NCOA1: variants seen among roughly 807,000 people sequenced by gnomAD.
NCOA1 encodes the protein Hin-2 protein.
A neutral mutation model predicts 150.9 loss-of-function variants in NCOA1; 35 were observed. That is an observed-to-expected ratio of 0.23 (90% CI 0.18 to 0.31). NCOA1 has a LOEUF of 0.31. Ranked by LOEUF, NCOA1 falls within the 10% of genes least tolerant of loss-of-function variation. The probability of loss-of-function intolerance (pLI) is 1.00; values close to 1 mark genes in which losing one functional copy is unlikely to be tolerated. For synonymous variants in NCOA1, 590 were observed against 630.0 expected, an observed-to-expected ratio of 0.94 and a Z score of 0.95; for missense variants, 1,491 against 1,749.3, an observed-to-expected ratio of 0.85 and a Z score of 2.63.
At position 24,752,115 on chromosome 2, in the gene NCOA1, A is replaced by G. The variant is rs560497859; in HGVS notation, c.3840A>G (p.Pro1280=). 23 of 1,614,182 alleles carry G rather than the reference A, an allele frequency of 1.4e-5. 1 individual carries two copies. In the South Asian group the frequency reaches 2.5e-4, roughly 18 times the overall value. The change falls in exon 20 of 23, where the codon CCA becomes CCG. Residue 1280 remains proline, a synonymous_variant. Transcript: ENST00000348332. ...QTPPASGYQS[P]DMKAWQQGAI... is the part of the protein sequence containing the mutation. Reference sequence around the variant, plus strand: ...CACCTGCCTCCGGGTATCAGTCACCAGACATGAAGGCCTGGCAGCAAGGAG... The same window carrying G: ...CACCTGCCTCCGGGTATCAGTCACCGGACATGAAGGCCTGGCAGCAAGGAG...
intron 19 of NCOA1, among the ~76,000 whole-genome samples, chr2:24,747,285 A>T (rs1052243820): frequency 6.6e-6 from 1 of 151,048 alleles, no homozygotes; most frequent in African/African-American, 2.4e-5. Flanking sequence ...AGAATATGAT[A>T]AGCATCTTTT....
At chr2:24,519,920 A>T (rs1166023751) in intron 1 of NCOA1, among the ~76,000 whole-genome samples, 3 of 152,240 alleles carry the variant, frequency 2.0e-5, no homozygotes, top group African/African-American at 7.2e-5. Context: ...GCTCAATATT[A>T]AGGAAACATA....
chr2:24,580,129 G>A (rs1172116908), intron 2 of NCOA1, among the ~76,000 whole-genome samples: 1 of 152,102 alleles, frequency 6.6e-6, no homozygotes, highest in Non-Finnish European at 1.5e-5. Flanking sequence ...TCTCTTATAG[G>A]TAAATTATCA....
intron 8 of NCOA1, among the ~76,000 whole-genome samples, chr2:24,689,122 C>A (rs979025458): frequency 2.0e-5 from 3 of 152,000 alleles, no homozygotes; most frequent in Non-Finnish European, 4.4e-5. Flanking sequence ...TGTTACTGTA[C>A]CCCTGTAATA....
chr2:24,681,045 A>G (rs555299652), intron 7 of NCOA1, among the ~76,000 whole-genome samples: 1 of 147,252 alleles, frequency 6.8e-6, no homozygotes, highest in Admixed American at 7.2e-5. Flanking sequence ...AAACATCAGA[A>G]GATGTTGCAT....
chr2:24,682,102 T>C (rs1448378691), intron 7 of NCOA1, among the ~76,000 whole-genome samples: 1 of 152,212 alleles, frequency 6.6e-6, no homozygotes, highest in Admixed American at 6.5e-5. Flanking sequence ...CAGCAGACCC[T>C]GTATGATCCA....
intron 3 of NCOA1, among the ~76,000 whole-genome samples, chr2:24,599,931 A>G (rs1668040498): frequency 6.6e-6 from 1 of 151,938 alleles, no homozygotes; most frequent in African/African-American, 2.4e-5. Context: ...GGGTTTCACC[A>G]TGTTGGCCAG....
At chr2:24,512,638 A>T (rs1372817) in intron 1 of NCOA1, among the ~76,000 whole-genome samples, 77,856 of 151,938 alleles carry the variant, frequency 0.51, 21,548 homozygotes, top group Admixed American at 0.67. Context: ...AGTGTAATTG[A>T]CTGATAGTTT....
intron 12 of NCOA1, 48 bp downstream of exon 12, chr2:24,705,281 T>A: frequency 6.4e-7 from 1 of 1,574,370 alleles, no homozygotes; most frequent in Non-Finnish European, 8.7e-7. Flanking sequence ...AGTTCACATA[T>A]CTCTTATTAG....
At chr2:24,559,796 C>G (rs891373234) in intron 1 of NCOA1, among the ~76,000 whole-genome samples, 1 of 152,170 alleles carries the variant, frequency 6.6e-6, no homozygotes, top group Non-Finnish European at 1.5e-5. Context: ...GTTCTTTTGC[C>G]TCTACCCCTC....
chr2:24,535,192 A>T (rs913103291), intron 1 of NCOA1, among the ~76,000 whole-genome samples: 1 of 151,910 alleles, frequency 6.6e-6, no homozygotes, highest in African/African-American at 2.4e-5. Flanking sequence ...TGATCCCTTT[A>T]CCATTATGTA....
chr2:24,626,366 T>C (rs1204394257), intron 3 of NCOA1, among the ~76,000 whole-genome samples: 1 of 152,232 alleles, frequency 6.6e-6, no homozygotes, highest in Non-Finnish European at 1.5e-5. Context: ...GCTAAAGTGC[T>C]TCAGACTTGG....
At chr2:24,711,172 G>T (rs1003971602) in intron 14 of NCOA1, 61 bp downstream of exon 14, 3 of 1,494,384 alleles carry the variant, frequency 2.0e-6, no homozygotes, top group Admixed American at 2.1e-5. Context: ...TTAGCATTTT[G>T]TCTCTCACCA....
At chr2:24,635,502 G>T (rs980340627) in intron 3 of NCOA1, among the ~76,000 whole-genome samples, 2 of 152,168 alleles carry the variant, frequency 1.3e-5, no homozygotes, top group Non-Finnish European at 2.9e-5. Context: ...AAGTACTCAT[G>T]AAAACTGTCA....
At chr2:24,716,152 A>G (rs1368324085) in intron 14 of NCOA1, among the ~76,000 whole-genome samples, 1 of 151,898 alleles carries the variant, frequency 6.6e-6, no homozygotes, top group Non-Finnish European at 1.5e-5. Flanking sequence ...TCAAAAAAAA[A>G]AAAAAAAAAA....
chr2:24,709,037 G>C (rs1030172899), intron 13 of NCOA1, among the ~76,000 whole-genome samples: 2 of 151,996 alleles, frequency 1.3e-5, no homozygotes, highest in Admixed American at 1.3e-4. Context: ...TTTACTCTTT[G>C]TAGTAACACT....
intron 1 of NCOA1, among the ~76,000 whole-genome samples, chr2:24,495,103 GT>G (rs770141833): frequency 6.8e-5 from 8 of 117,438 alleles, no homozygotes; most frequent in African/African-American, 1.0e-4. Flanking sequence ...TTTTTTTTTT[GT>G]TTTTTTTTTT....
intron 1 of NCOA1, among the ~76,000 whole-genome samples, chr2:24,505,674 C>T (rs1194610655): frequency 1.2e-4 from 18 of 152,136 alleles, no homozygotes; most frequent in Admixed American, 4.6e-4. Flanking sequence ...TTTTTTAGGT[C>T]ATAGCATCCT....
Position 24,576,092 on chromosome 2 carries a change from T to A in NCOA1, c.-259-8384T>A, listed in dbSNP as rs192030541. Among the ~76,000 whole-genome samples the A allele has an allele frequency of 4.0e-5, 6 of 150,868 alleles. No homozygotes were observed. The East Asian group carries it at 1.2e-3, about 29-fold the overall frequency. ...TGGGAGGTCTTTTTACTCTACCCTA[T>A]TGGAATACAAACTATTCATAGCCTT... is the stretch of plus-strand genomic sequence containing the variant. On this transcript the variant is annotated intron_variant, in intron 2 of 22. Transcript: ENST00000348332.
Sources: gnomAD v4.1 joint callset for allele counts (sites outside exome capture counted in the v4.1 genomes callset) on GRCh38, gnomAD v4.1.1 for gene constraint, MANE v1.5 for transcripts, NCBI Gene and HGNC (gene_info 2026-07-23, HGNC 2026-07-21) for gene names.